Variants in NOX5 observed in about 807,000 individuals in gnomAD.
NOX5 encodes NADPH oxidase, EF-hand calcium binding domain 5.
Under a neutral mutation model 85.7 loss-of-function variants are expected in NOX5, and 76 were observed. The ratio of observed to expected loss-of-function variants is 0.89; its 90% CI spans 0.74 to 1.07. The LOEUF is 1.07. Among genes scored for constraint, NOX5 ranks in the 50% least tolerant of loss-of-function variants. The pLI is 0.00. For synonymous variants in NOX5, 405 were observed against 401.4 expected (o/e 1.01, Z -0.11); for missense variants, 973 against 999.5 (o/e 0.97, Z 0.36).
chr15:69,039,088 C>T (rs775007147), intron 9 of NOX5, 99 bp downstream of exon 9: 16 of 1,342,180 alleles, frequency 1.2e-5, no homozygotes, highest in Non-Finnish European at 1.5e-5. Flanking sequence ...CTGAACAAGG[C>T]CAGAAACACA....
intron 12 of NOX5, 60 bp downstream of exon 12, chr15:69,047,597 G>T (rs2050691970): frequency 6.4e-7 from 1 of 1,569,510 alleles, no homozygotes; most frequent in Non-Finnish European, 8.6e-7. Context: ...CGCCCTCCCT[G>T]CTCCTCCTCC....
In NOX5 at chr15:69,036,988, CTTGAGCTCTGGAAG is replaced by C. The variant is rs759975569; in HGVS notation, c.1189-35_1189-22del. On this transcript the variant is annotated intron_variant, in intron 7 of 15. Transcript: ENST00000388866. Reference sequence around the variant, plus strand: ...CCTGGCTCTGTTCCACCCCCCAGGCCTTGAGCTCTGGAAGTTGACTGCCCCCCCTACCCCCATAG... The same window carrying C: ...CCTGGCTCTGTTCCACCCCCCAGGCCTTGACTGCCCCCCCTACCCCCATAG... 4.4e-6 allele frequency: 7 copies of C among 1,576,006 alleles called. No homozygotes were observed. The East Asian group carries it at 1.6e-4, about 35-fold the overall frequency.
intron 2 of NOX5, 112 bp downstream of exon 2, chr15:69,026,763 C>T (rs2050363645): frequency 6.9e-7 from 1 of 1,444,254 alleles, no homozygotes; most frequent in Non-Finnish European, 9.5e-7. Flanking sequence ...CTGAGGTCTC[C>T]ACCTTGTAGC....
intron 5 of NOX5, among the ~76,000 whole-genome samples, chr15:69,033,695 T>C (rs1472161856): frequency 6.9e-6 from 1 of 145,554 alleles, no homozygotes; most frequent in Non-Finnish European, 1.5e-5. Flanking sequence ...TTTCTTTCTT[T>C]TTTTTCTTTT....
At chr15:69,032,990 A>C (rs932907554) in intron 4 of NOX5, 53 bp from the exon 5 acceptor site, 15 of 1,517,216 alleles carry the variant, frequency 9.9e-6, no homozygotes, top group Non-Finnish European at 1.2e-5. Flanking sequence ...GTTAAGACAC[A>C]GGTGGTCCCC....
At chr15:69,047,579 C>T in intron 12 of NOX5, 42 bp downstream of exon 12, 1 of 1,589,138 alleles carries the variant, frequency 6.3e-7, no homozygotes, top group Non-Finnish European at 8.6e-7. Context: ...TGGGTCAGAG[C>T]CCCAAGGCGC....
chr15:69,019,197 C>T (rs980757221), intron 1 of NOX5, among the ~76,000 whole-genome samples: 17 of 152,258 alleles, frequency 1.1e-4, no homozygotes, highest in African/African-American at 9.6e-5. Flanking sequence ...CCGGCAGTAA[C>T]GAGGTACTCC....
At chr15:69,037,939 G>C (rs2050543220) in intron 8 of NOX5, 1 of 152,322 alleles carries the variant, frequency 6.6e-6, no homozygotes, top group African/African-American at 2.4e-5. Flanking sequence ...GTGGTATTAA[G>C]CTGTGACCAT....
chr15:69,015,292 T>C (rs2050217806), intron 1 of NOX5, among the ~76,000 whole-genome samples: 1 of 152,134 alleles, frequency 6.6e-6, no homozygotes, highest in South Asian at 2.1e-4. Flanking sequence ...ACCACCTAGA[T>C]CACTCTGGCT....
At chr15:69,047,681 C>G in intron 12 of NOX5, 144 bp downstream of exon 12, 2 of 1,329,626 alleles carry the variant, frequency 1.5e-6, no homozygotes, top group Non-Finnish European at 2.1e-6. Flanking sequence ...CCTGCTCTGC[C>G]CCCCTCTCCT....
At chr15:69,026,392 A>C in intron 1 of NOX5, 136 bp from the exon 2 acceptor site, 1 of 1,031,796 alleles carries the variant, frequency 9.7e-7, no homozygotes, top group Non-Finnish European at 1.4e-6. Flanking sequence ...ATCCACAGCC[A>C]GAACTGATTG....
chr15:69,038,891 T>C lies in NOX5; in HGVS notation c.1406T>C (p.Phe469Ser), dbSNP rs780995593. The change falls in exon 9 of 16, where the codon TTT (phenylalanine) becomes TCT (serine). Residue 469 changes from phenylalanine (F) to serine (S), a missense_variant. Phe to Ser is a radical substitution (Grantham distance 155, BLOSUM62 -2). Transcript: ENST00000388866. The part of the protein sequence containing the change: ...THLLIKRPPF[F>S]HYRPGDYLYL... ...CTCCTCATCAAGCGGCCCCCTTTTT[T>C]TCACTATAGACCTGGTGACTACTTG... The C allele has an allele frequency of 4.8e-5, 78 of 1,614,064 alleles. No individual in the cohort carries two copies. Among genetic ancestry groups the C allele is most frequent in the Admixed American group, 2.2e-4 (13 of 60,000 alleles).
chr15:69,051,234 G>C (rs1454176510), intron 14 of NOX5, among the ~76,000 whole-genome samples: 1 of 152,178 alleles, frequency 6.6e-6, no homozygotes, highest in Non-Finnish European at 1.5e-5. Context: ...CGGGGCTGTT[G>C]TAGGGCTTAC....
In NOX5 at chr15:69,031,595, G is replaced by C; in HGVS notation, c.403G>C (p.Gly135Arg). ...CCCGCACTGGGCTTCATCCCCACTC[G>C]GGACAGGCAGTGGCTCCATTGACCC... ...AGPHWASSPL[G>R]TGSGSIDPDE... The change falls in exon 4 of 16, where the codon GGG (glycine) becomes CGG (arginine). Residue 135 changes from glycine (G) to arginine (R), a missense_variant. Gly to Arg is a moderately radical substitution (Grantham distance 125, BLOSUM62 -2). Transcript: ENST00000388866. 1 of 1,613,106 alleles carries C rather than the reference G, an allele frequency of 6.2e-7. No homozygotes were observed. Among genetic ancestry groups the C allele is most frequent in the South Asian group, 1.1e-5 (1 of 91,080 alleles).
intron 15 of NOX5, among the ~76,000 whole-genome samples, chr15:69,055,908 G>T (rs773715070): frequency 3.3e-5 from 5 of 152,150 alleles, no homozygotes; most frequent in Non-Finnish European, 5.9e-5. Flanking sequence ...TCTCAGATTG[G>T]TTTTATTATT....
At chr15:69,022,856 A>G (rs2050311305) in intron 1 of NOX5, 1 of 369,176 alleles carries the variant, frequency 2.7e-6, no homozygotes, top group Non-Finnish European at 5.3e-6. Context: ...ATGAGCCCAC[A>G]ACTGGACTGG....
intron 10 of NOX5, among the ~76,000 whole-genome samples, chr15:69,044,653 T>A (rs1211443683): frequency 6.6e-6 from 1 of 152,194 alleles, no homozygotes; most frequent in Admixed American, 6.5e-5. Context: ...AAAAAGCAGG[T>A]TACTAAAAAG....
In NOX5 at chr15:69,056,779, C is replaced by T; in HGVS notation, c.*83C>T. The T allele has an allele frequency of 6.6e-7, 1 of 1,515,208 alleles. No individual in the cohort carries two copies. The highest frequency in any genetic ancestry group is 8.9e-7 in the Non-Finnish European group (1 of 1,122,698). The allele number at this position is 1,515,208 out of a possible 1,614,324, so 93.9% of individuals were successfully genotyped here. A position where few individuals can be genotyped will look rare whatever the true frequency, so the allele number is the denominator to read the frequency against. On this transcript the variant is annotated 3_prime_UTR_variant, in exon 16 of 16. Transcript: ENST00000388866. ...GTATAAATGCCCCCACAGGGACCAG[C>T]CTCAGATGACCCACCCAATAAGACA... is the stretch of plus-strand genomic sequence containing the variant.
chr15:69,040,742 A>T (rs1355775005), intron 9 of NOX5, among the ~76,000 whole-genome samples: 1 of 151,754 alleles, frequency 6.6e-6, no homozygotes, highest in African/African-American at 2.4e-5. Context: ...GCTGGAGTGC[A>T]GTGGTGTGAT....
Sources: allele counts gnomAD v4.1 joint callset (sites outside exome capture counted in the v4.1 genomes callset), GRCh38; gene constraint gnomAD v4.1.1; transcripts MANE v1.5; gene names NCBI Gene and HGNC (gene_info 2026-07-23, HGNC 2026-07-21).